WASHC5: variants seen among roughly 807,000 people sequenced by gnomAD.
WASHC5 encodes WASH complex subunit strumpellin.
A neutral mutation model predicts 150.4 loss-of-function variants in WASHC5; 101 were observed. The observed-to-expected ratio is 0.67, with a 90% CI of 0.57 to 0.79. The LOEUF (loss-of-function observed/expected upper bound fraction) is 0.79, where lower values mean the gene tolerates loss of function less well. WASHC5 is among the 30% of genes least tolerant of loss of function. WASHC5 has a pLI of 0.00. For synonymous variants in WASHC5, 467 were observed against 491.2 expected (o/e 0.95, Z 0.65); for missense variants, 1,195 against 1,396.3 (o/e 0.86, Z 2.30).
chr8:125,028,558 G>A (rs1815437416), intron 28 of WASHC5, 62 bp downstream of exon 28: 2 of 1,223,726 alleles, frequency 1.6e-6, no homozygotes, highest in Non-Finnish European at 1.2e-6. Context: ...ATGAATCCAG[G>A]GCCACTATTA....
intron 6 of WASHC5, 26 bp from the exon 7 acceptor site, chr8:125,076,526 G>A: frequency 1.2e-6 from 2 of 1,612,454 alleles, no homozygotes; most frequent in Non-Finnish European, 1.7e-6. Context: ...GACACCCCGA[G>A]AAAGCTGTTG....
chr8:125,074,064 T>C (rs982186625), intron 8 of WASHC5, among the ~76,000 whole-genome samples: 7 of 152,182 alleles, frequency 4.6e-5, no homozygotes, highest in African/African-American at 1.7e-4. Context: ...CAAACCAGCT[T>C]TTTGGAAAAT....
Position 125,048,591 on chromosome 8 carries a change from G to C in WASHC5, c.2379+415C>G, listed in dbSNP as rs533855172. On this transcript the variant is annotated intron_variant, in intron 19 of 28. Coordinates refer to ENST00000318410, the MANE Select transcript of WASHC5 (RefSeq NM_014846.4). Reference sequence around the variant, plus strand: ...CTGGAACCCTCGTACACTGCTGTTGGGCACATAAAATGGTGCCGTTACCGT... The same window carrying C: ...CTGGAACCCTCGTACACTGCTGTTGCGCACATAAAATGGTGCCGTTACCGT... 2.6e-5 allele frequency among the ~76,000 whole-genome samples: 4 copies of C among 152,258 alleles called. No homozygotes were observed. In the East Asian group the frequency reaches 7.7e-4, roughly 29 times the overall value.
intron 11 of WASHC5, 40 bp downstream of exon 11, chr8:125,063,482 C>T (rs770454167): frequency 6.2e-7 from 1 of 1,608,664 alleles, no homozygotes; most frequent in Non-Finnish European, 8.5e-7. Flanking sequence ...AACCTGTGCA[C>T]ACATTCCAAA....
intron 5 of WASHC5, among the ~76,000 whole-genome samples, chr8:125,081,298 C>T (rs1346156052): frequency 2.1e-5 from 3 of 143,646 alleles, no homozygotes; most frequent in African/African-American, 5.2e-5. Context: ...AGTGTAGTGG[C>T]ATGATCTTCG....
intron 6 of WASHC5, among the ~76,000 whole-genome samples, chr8:125,077,598 G>A (rs531997499): frequency 8.5e-5 from 13 of 152,296 alleles, no homozygotes; most frequent in East Asian, 3.9e-4. Flanking sequence ...TCAGAAGGAC[G>A]TGGAATGAGA....
intron 20 of WASHC5, among the ~76,000 whole-genome samples, chr8:125,046,632 T>C (rs988307592): frequency 8.5e-5 from 13 of 152,162 alleles, no homozygotes; most frequent in Admixed American, 4.6e-4. Flanking sequence ...AAAATGGGAA[T>C]AAGAATAATG....
At chr8:125,069,852 G>C (rs748760633) in intron 9 of WASHC5, among the ~76,000 whole-genome samples, 2 of 152,152 alleles carry the variant, frequency 1.3e-5, no homozygotes, top group Non-Finnish European at 2.9e-5. Flanking sequence ...AGCTCCAGTT[G>C]TCTTTATACT....
At chr8:125,054,255 T>C (rs1245566070) in intron 17 of WASHC5, among the ~76,000 whole-genome samples, 3 of 152,160 alleles carry the variant, frequency 2.0e-5, no homozygotes, top group Admixed American at 1.3e-4. Context: ...ATCTGACCTA[T>C]AGCAATATAA....
chr8:125,053,992 A>G (rs1175263958), intron 17 of WASHC5, among the ~76,000 whole-genome samples: 1 of 152,224 alleles, frequency 6.6e-6, no homozygotes, highest in Non-Finnish European at 1.5e-5. Context: ...AAGTCAAGGA[A>G]CATTTGTATC....
chr8:125,082,450 T>C lies in WASHC5; in HGVS notation c.350A>G (p.Asn117Ser), dbSNP rs772639041. Residue 117 changes from asparagine to serine, a missense_variant, in exon 4 of 29, where the codon AAT becomes AGT. Transcript: ENST00000318410. ...VDLNRYLDDLNEGVYIQQTLE... is the reference protein window; with the variant it reads ...VDLNRYLDDLSEGVYIQQTLE... The stretch of plus-strand genomic sequence containing the variant: ...GGTTTGCTGAATATAAACCCCTTCA[T>C]TGAGATCATCTAGATATCTAGAAAT... 34 of 1,576,894 alleles carry C rather than the reference T, an allele frequency of 2.2e-5. No homozygotes were observed. In the East Asian group the frequency reaches 2.9e-4, roughly 14 times the overall value.
intron 10 of WASHC5, among the ~76,000 whole-genome samples, chr8:125,064,853 G>A (rs1816701987): frequency 6.6e-6 from 1 of 152,054 alleles, no homozygotes; most frequent in Non-Finnish European, 1.5e-5. Flanking sequence ...AATTTTGCGG[G>A]GCCTGTAGAG....
At chr8:125,047,161 G>A in intron 20 of WASHC5, 46 bp downstream of exon 20, 1 of 1,611,206 alleles carries the variant, frequency 6.2e-7, no homozygotes, top group Non-Finnish European at 8.5e-7. Flanking sequence ...ATGCAGATGA[G>A]ACTGCCTGCA....
chr8:125,078,987 A>G (rs1817152004), intron 5 of WASHC5, 57 bp from the exon 6 acceptor site: 1 of 1,385,994 alleles, frequency 7.2e-7, no homozygotes, highest in Non-Finnish European at 1.0e-6. Flanking sequence ...TAGAAACTGA[A>G]AAGTCCAATA....
At chr8:125,078,959 G>A (rs1817149526) in intron 5 of WASHC5, 29 bp from the exon 6 acceptor site, 5 of 1,576,224 alleles carry the variant, frequency 3.2e-6, no homozygotes, top group Non-Finnish European at 8.7e-7. Context: ...GGGAAACAAA[G>A]ACCCAAAACA....
At chr8:125,088,258 C>G (rs573819648) in intron 1 of WASHC5, among the ~76,000 whole-genome samples, 1 of 144,810 alleles carries the variant, frequency 6.9e-6, no homozygotes, top group South Asian at 2.1e-4. Flanking sequence ...CACCCCGGCT[C>G]TACTAAAAAT....
chr8:125,057,635 CGAA>C lies in WASHC5; in HGVS notation c.1793_1795del (p.Leu598del). 1 of 1,613,630 alleles carries C rather than the reference CGAA, an allele frequency of 6.2e-7. No homozygotes were observed. The highest frequency in any genetic ancestry group is 1.1e-5 in the South Asian group (1 of 91,004). ...GTCGGGGCTATTTGCCTGATTAATACGAAGAAGGGGCAGATCGAGGGCAGAGGC... is the reference window on the plus strand; with the variant it reads ...GTCGGGGCTATTTGCCTGATTAATACGAAGGGGCAGATCGAGGGCAGAGGC... On this transcript the variant is annotated inframe_deletion, in exon 15 of 29. Coordinates refer to ENST00000318410, the MANE Select transcript of WASHC5 (RefSeq NM_014846.4).
rs1242653445 is a variant in WASHC5 at position 125,048,995 on chromosome 8, T to G, written c.2379+11A>C. ...CAAATATAGTCAAGAATTTTAAAAT[T>G]TATTAGATACCTTCGTTCTTAGAAA... On this transcript the variant is annotated intron_variant, in intron 19 of 28. Coordinates refer to ENST00000318410, the MANE Select transcript of WASHC5 (RefSeq NM_014846.4). The G allele has an allele frequency of 6.3e-7, 1 of 1,598,636 alleles. No individual in the cohort carries two copies. Among genetic ancestry groups the G allele is most frequent in the Non-Finnish European group, 8.5e-7 (1 of 1,170,118 alleles).
chr8:125,043,882 A>G lies in WASHC5; in HGVS notation c.2793T>C (p.Phe931=), dbSNP rs1815970384. The G allele has an allele frequency of 1.2e-6, 2 of 1,613,056 alleles. No individual in the cohort carries two copies. The highest frequency in any genetic ancestry group is 1.3e-5 in the African/African-American group (1 of 74,916). The change falls in exon 23 of 29, where the codon TTT becomes TTC. Residue 931 remains phenylalanine (F), a synonymous_variant. Transcript: ENST00000318410. ...TCTTCTGTGTTTTGGCAATGGCGGA[A>G]AAATAAATTTTATTTGAATTTGCTG... is the stretch of plus-strand genomic sequence containing the variant. ...SIVANSNKIY[F]SAIAKTQKIW... is the part of the protein sequence containing the mutation.
Sources: gnomAD v4.1 joint callset for allele counts (sites outside exome capture counted in the v4.1 genomes callset) on GRCh38, gnomAD v4.1.1 for gene constraint, MANE v1.5 for transcripts, NCBI Gene and HGNC (gene_info 2026-07-23, HGNC 2026-07-21) for gene names.